Variants in GLIPR1L1 observed in about 807,000 individuals in gnomAD.
The protein encoded by GLIPR1L1 is GLIPR1-like protein 1.
A neutral mutation model predicts 29.9 loss-of-function variants in GLIPR1L1; 26 were observed. That is an observed-to-expected ratio of 0.87 (90% CI 0.64 to 1.21). The LOEUF (loss-of-function observed/expected upper bound fraction) is 1.21. Among genes scored for constraint, GLIPR1L1 ranks in the 50% most tolerant of loss-of-function variants. GLIPR1L1 has a pLI of 0.00. For missense variants in GLIPR1L1, 305 were observed against 290.3 expected (o/e 1.05, Z -0.37); for synonymous variants, 77 against 97.5 (o/e 0.79, Z 1.24).
In GLIPR1L1 at chr12:75,363,136, G is replaced by A. The variant is rs1392398049; in HGVS notation, c.556G>A (p.Gly186Arg). The A allele has an allele frequency of 5.8e-6, 9 of 1,559,350 alleles. No individual in the cohort carries two copies. Among genetic ancestry groups the A allele is most frequent in the Non-Finnish European group, 7.8e-6 (9 of 1,160,020 alleles). Residue 186 changes from glycine (G) to arginine (R), a missense_variant, in exon 4 of 6, where the codon GGA becomes AGA. Gly to Arg is a moderately radical substitution (Grantham distance 125, BLOSUM62 -2). Transcript: ENST00000378695. Reference sequence around the variant, plus strand: ...TGCAAATATGCCTCCTTACGTAAGAGGAGAATCTTGCTCTCTCTGCTCAAA... The same window carrying A: ...TGCAAATATGCCTCCTTACGTAAGAAGAGAATCTTGCTCTCTCTGCTCAAA... The part of the protein sequence containing the change: ...NFANMPPYVR[G>R]ESCSLCSKEE...
intron 1 of GLIPR1L1, among the ~76,000 whole-genome samples, chr12:75,343,345 A>G (rs1422165322): frequency 6.6e-6 from 1 of 151,964 alleles, no homozygotes; most frequent in Admixed American, 6.6e-5. Context: ...ATCAATGAGT[A>G]TTCATCCTTT....
At chr12:75,336,622 C>T (rs76603111) in intron 1 of GLIPR1L1, among the ~76,000 whole-genome samples, 2 of 151,184 alleles carry the variant, frequency 1.3e-5, no homozygotes, top group Admixed American at 6.6e-5. Context: ...ATCTTCAATA[C>T]AAATAAATGT....
At position 75,355,393 on chromosome 12, in the gene GLIPR1L1, G is replaced by C. The variant is rs549150659; in HGVS notation, c.521+7671G>C. 7.2e-5 allele frequency among the ~76,000 whole-genome samples: 11 copies of C among 152,300 alleles called. No individual in the cohort carries two copies. The South Asian group carries it at 1.9e-3, about 26-fold the overall frequency. ...CACAGCTCAACATCATTGGTCATTAGAGAAATGCAAATCAAAATCGCAGTT... is the reference window on the plus strand; with the variant it reads ...CACAGCTCAACATCATTGGTCATTACAGAAATGCAAATCAAAATCGCAGTT... On this transcript the variant is annotated intron_variant, in intron 3 of 5. Coordinates refer to ENST00000378695, the MANE Select transcript of GLIPR1L1 (RefSeq NM_001304964.2).
At chr12:75,363,330 A>G in intron 4 of GLIPR1L1, 140 bp downstream of exon 4, 1 of 399,910 alleles carries the variant, frequency 2.5e-6, no homozygotes, top group Non-Finnish European at 4.4e-6. Context: ...AAATCATGTC[A>G]TAAATTGTAA....
In GLIPR1L1 at chr12:75,359,357, C is replaced by CTTTTTTTT. The variant is rs61616225; in HGVS notation, c.522-3722_522-3715dup. On this transcript the variant is annotated intron_variant, in intron 3 of 5. Coordinates refer to ENST00000378695, the MANE Select transcript of GLIPR1L1 (RefSeq NM_001304964.2). Reference sequence around the variant, plus strand: ...GAGTTAGAAGACTCAGCATTGTTGTCTTTTTTTTTTTTTTTTTTTTTTTTT... The same window carrying CTTTTTTTT: ...GAGTTAGAAGACTCAGCATTGTTGTCTTTTTTTTTTTTTTTTTTTTTTTTTTTTTTTTT... Among the ~76,000 whole-genome samples, 170 of 28,600 alleles carry CTTTTTTTT rather than the reference C, an allele frequency of 5.9e-3. 6 individuals are homozygous for CTTTTTTTT. Among genetic ancestry groups the CTTTTTTTT allele is most frequent in the Middle Eastern group, 0.056 (1 of 18 alleles). The allele number at this position is 28,600 out of a possible 152,430, so 18.8% of individuals were successfully genotyped here. A position where few individuals can be genotyped will look rare whatever the true frequency, so the allele number is the denominator to read the frequency against.
intron 3 of GLIPR1L1, among the ~76,000 whole-genome samples, chr12:75,351,369 C>T (rs1024017813): frequency 2.0e-5 from 3 of 152,098 alleles, no homozygotes; most frequent in Admixed American, 1.3e-4. Context: ...AGATCAACCC[C>T]AAGACACATA....
At chr12:75,348,253 A>G (rs757890434) in intron 3 of GLIPR1L1, among the ~76,000 whole-genome samples, 18 of 152,202 alleles carry the variant, frequency 1.2e-4, no homozygotes, top group Non-Finnish European at 2.1e-4. Flanking sequence ...GACTATAAAA[A>G]CAGTTAATAA....
intron 4 of GLIPR1L1, chr12:75,369,661 G>T: frequency 1.0e-6 from 1 of 984,470 alleles, no homozygotes; most frequent in South Asian, 4.7e-5. Flanking sequence ...GACGTGAATT[G>T]GGAATGAAAG....
intron 1 of GLIPR1L1, 36 bp from the exon 2 acceptor site, chr12:75,343,657 A>C (rs1049702904): frequency 6.8e-7 from 1 of 1,481,134 alleles, no homozygotes; most frequent in African/African-American, 1.4e-5. Context: ...GCAAATACTT[A>C]TGCACAATTC....
At position 75,356,464 on chromosome 12, in the gene GLIPR1L1, C is replaced by T. The variant is rs183981025; in HGVS notation, c.522-6638C>T. Among the ~76,000 whole-genome samples, 11 of 152,070 alleles carry T rather than the reference C, an allele frequency of 7.2e-5. No individual in the cohort carries two copies. In the East Asian group the frequency reaches 1.2e-3, roughly 16 times the overall value. On this transcript the variant is annotated intron_variant, in intron 3 of 5. Transcript: ENST00000378695. ...AAGTTCTTCTAATCCATGTGAAGTG[C>T]GATAATCTAACTTGATCGTGATAAG...
chr12:75,370,419 C>G lies in GLIPR1L1; in HGVS notation c.*243C>G, dbSNP rs2044285988. 3.3e-6 allele frequency: 1 copy of G among 300,122 alleles called. No individual in the cohort carries two copies. 18.6% of individuals were successfully genotyped at this position (300,122 alleles called of 1,614,324 possible). A position where few individuals can be genotyped will look rare whatever the true frequency, so the allele number is the denominator to read the frequency against. ...ATATGTGTATCAAAAGTGTTCCACT[C>G]TTTAATTTTCTAATGAGAATGGATT... On this transcript the variant is annotated 3_prime_UTR_variant, in exon 6 of 6. Coordinates refer to ENST00000378695, the MANE Select transcript of GLIPR1L1 (RefSeq NM_001304964.2).
At chr12:75,355,989 G>C (rs1412002050) in intron 3 of GLIPR1L1, among the ~76,000 whole-genome samples, 5 of 152,106 alleles carry the variant, frequency 3.3e-5, no homozygotes, top group Non-Finnish European at 7.4e-5. Flanking sequence ...GGGTAGGGTG[G>C]GGAGAGGGAG....
At chr12:75,340,422 A>G (rs1476947728) in intron 1 of GLIPR1L1, among the ~76,000 whole-genome samples, 1 of 151,746 alleles carries the variant, frequency 6.6e-6, no homozygotes, top group Non-Finnish European at 1.5e-5. Flanking sequence ...CTTTGACCTA[A>G]AGAGCAAAAA....
At chr12:75,357,384 T>C (rs534853377) in intron 3 of GLIPR1L1, among the ~76,000 whole-genome samples, 18 of 152,134 alleles carry the variant, frequency 1.2e-4, no homozygotes, top group Non-Finnish European at 2.4e-4. Flanking sequence ...CCAATATTAC[T>C]GTAAAGAGAA....
Position 75,370,393 on chromosome 12 carries a change from C to T in GLIPR1L1, c.*217C>T, listed in dbSNP as rs1033618900. 5.1e-6 allele frequency: 2 copies of T among 390,102 alleles called. No homozygotes were observed. Among genetic ancestry groups the T allele is most frequent in the South Asian group, 5.4e-5 (1 of 18,416 alleles). 24.2% of individuals were successfully genotyped at this position (390,102 alleles called of 1,614,324 possible). A position where few individuals can be genotyped will look rare whatever the true frequency, so the allele number is the denominator to read the frequency against. ...TAAGATTATTTTTTAATTACAAATC[C>T]ATATGTGTATCAAAAGTGTTCCACT... On this transcript the variant is annotated 3_prime_UTR_variant, in exon 6 of 6. Coordinates refer to ENST00000378695, the MANE Select transcript of GLIPR1L1 (RefSeq NM_001304964.2).
chr12:75,358,162 C>T (rs2043279929), intron 3 of GLIPR1L1, among the ~76,000 whole-genome samples: 1 of 151,236 alleles, frequency 6.6e-6, no homozygotes, highest in Non-Finnish European at 1.5e-5. Flanking sequence ...ACAGATTTTA[C>T]AAATATTAAA....
intron 3 of GLIPR1L1, among the ~76,000 whole-genome samples, chr12:75,354,580 C>T (rs935894351): frequency 1.3e-5 from 2 of 152,142 alleles, no homozygotes; most frequent in African/African-American, 2.4e-5. Context: ...AGATTCAATG[C>T]TATTCCCATT....
At chr12:75,369,653 C>G (rs148878839) in intron 4 of GLIPR1L1, 33 of 983,650 alleles carry the variant, frequency 3.4e-5, no homozygotes, top group Non-Finnish European at 4.0e-5. Flanking sequence ...TCTTCAGGGA[C>G]GTGAATTGGG....
At chr12:75,364,052 G>T (rs941059031) in intron 4 of GLIPR1L1, among the ~76,000 whole-genome samples, 3 of 152,112 alleles carry the variant, frequency 2.0e-5, no homozygotes, top group African/African-American at 7.2e-5. Flanking sequence ...GGAGACCAAG[G>T]GTTTATTAAG....
Sources: allele counts gnomAD v4.1 joint callset (sites outside exome capture counted in the v4.1 genomes callset), GRCh38; gene constraint gnomAD v4.1.1; transcripts MANE v1.5; gene names NCBI Gene and HGNC (gene_info 2026-07-23, HGNC 2026-07-21).